SLC22A16: variants seen among roughly 807,000 people sequenced by gnomAD.
SLC22A16 encodes the protein WUGSC:RG331P03.1.
A neutral mutation model predicts 52.9 loss-of-function variants in SLC22A16; 53 were observed. The ratio of observed to expected loss-of-function variants is 1.00; its 90% CI spans 0.80 to 1.26. SLC22A16 has a LOEUF of 1.26. SLC22A16 is among the 50% of genes most tolerant of loss of function. The probability of loss-of-function intolerance (pLI) is 0.00; values close to 1 mark genes in which losing one functional copy is unlikely to be tolerated. For missense variants in SLC22A16, 726 were observed against 704.0 expected (o/e 1.03, Z -0.35); for synonymous variants, 291 against 268.8 (o/e 1.08, Z -0.81).
intron 1 of SLC22A16, chr6:110,475,968 A>G (rs1199608188): frequency 2.2e-6 from 1 of 456,562 alleles, no homozygotes; most frequent in Admixed American, 2.3e-5. Flanking sequence ...GTGAACATCA[A>G]ATGAAGAACT....
chr6:110,424,940 G>A lies in SLC22A16; in HGVS notation c.1667C>T (p.Thr556Ile), dbSNP rs199752499. 16 of 1,614,132 alleles carry A rather than the reference G, an allele frequency of 9.9e-6. No individual in the cohort carries two copies. Among genetic ancestry groups the A allele is most frequent in the Admixed American group, 8.3e-5 (5 of 60,014 alleles). ...TTTTTCCAGCCCACTATTATTAGTT[G>A]TGAGAAGTAATTTGCTTGACTTGCT... ...NESKSSKLLL[T>I]TNNSGLEKTE... The change falls in exon 8 of 8, where the codon ACA (threonine) becomes ATA (isoleucine). Residue 556 changes from threonine to isoleucine, a missense_variant. Coordinates refer to ENST00000368919, the MANE Select transcript of SLC22A16 (RefSeq NM_033125.4).
At chr6:110,426,221 G>C (rs1370248796) in intron 7 of SLC22A16, among the ~76,000 whole-genome samples, 3 of 152,152 alleles carry the variant, frequency 2.0e-5, no homozygotes, top group Non-Finnish European at 4.4e-5. Context: ...GGTCTCTCAA[G>C]ACACGGCAAG....
chr6:110,445,082 C>A (rs969317736), intron 3 of SLC22A16, among the ~76,000 whole-genome samples: 24 of 151,954 alleles, frequency 1.6e-4, no homozygotes, highest in African/African-American at 5.1e-4. Flanking sequence ...CGGAATCCAC[C>A]CCCTCATAGC....
At chr6:110,458,025 G>A (rs191265371) in intron 1 of SLC22A16, among the ~76,000 whole-genome samples, 33 of 152,238 alleles carry the variant, frequency 2.2e-4, no homozygotes, top group African/African-American at 3.4e-4. Context: ...CAGTGGTCAC[G>A]CTCCTGGTCT....
intron 5 of SLC22A16, among the ~76,000 whole-genome samples, chr6:110,436,268 G>A (rs1774726422): frequency 6.6e-6 from 1 of 152,138 alleles, no homozygotes; most frequent in Non-Finnish European, 1.5e-5. Flanking sequence ...TAGTGCTGGT[G>A]GCACCAAGAA....
intron 7 of SLC22A16, among the ~76,000 whole-genome samples, chr6:110,430,543 G>A (rs184465236): frequency 6.6e-6 from 1 of 152,102 alleles, no homozygotes; most frequent in East Asian, 1.9e-4. Context: ...CACCCATCCC[G>A]CATCTTCTTC....
At chr6:110,473,766 C>T (rs1776356893) in intron 1 of SLC22A16, among the ~76,000 whole-genome samples, 1 of 151,718 alleles carries the variant, frequency 6.6e-6, no homozygotes, top group African/African-American at 2.4e-5. Flanking sequence ...ACCTCGTGAT[C>T]TGCCTGCCTC....
At chr6:110,474,986 T>C (rs1562305960) in intron 1 of SLC22A16, 1 of 519,010 alleles carries the variant, frequency 1.9e-6, no homozygotes, top group Non-Finnish European at 3.8e-6. Context: ...CATATACACA[T>C]TTTCACTACT....
rs553570077 is a variant in SLC22A16 at position 110,459,612 on chromosome 6, A to C, written c.54-2595T>G. ...GAACAGGAAGAGGACACTTGGAAAA[A>C]CTGGTGAAATTCAAATGAAGTATAT... On this transcript the variant is annotated intron_variant, in intron 1 of 7. Transcript: ENST00000368919. Among the ~76,000 whole-genome samples, 9 of 152,228 alleles carry C rather than the reference A, an allele frequency of 5.9e-5. 1 individual carries two copies. Among genetic ancestry groups the C allele is most frequent in the African/African-American group, 1.9e-4 (8 of 41,538 alleles).
intron 4 of SLC22A16, among the ~76,000 whole-genome samples, chr6:110,441,979 C>T (rs1402290729): frequency 6.6e-5 from 10 of 152,172 alleles, no homozygotes; most frequent in Non-Finnish European, 2.9e-5. Context: ...ACCTTGATGG[C>T]AATCATGTTG....
intron 1 of SLC22A16, among the ~76,000 whole-genome samples, chr6:110,457,700 A>G (rs1312707553): frequency 6.6e-6 from 1 of 152,206 alleles, no homozygotes; most frequent in Non-Finnish European, 1.5e-5. Flanking sequence ...CTGAAGGGAC[A>G]TGGTGAGAAG....
intron 1 of SLC22A16, 131 bp downstream of exon 1, chr6:110,476,391 C>T (rs1198139276): frequency 7.2e-7 from 1 of 1,381,002 alleles, no homozygotes; most frequent in African/African-American, 1.5e-5. Context: ...CGTGTCCCGA[C>T]TGCGCGGGGT....
rs758813780 is a variant in SLC22A16 at position 110,435,959 on chromosome 6, T to C, written c.1314A>G (p.Lys438=). The C allele has an allele frequency of 6.2e-7, 1 of 1,610,882 alleles. No individual in the cohort carries two copies. Among genetic ancestry groups the C allele is most frequent in the South Asian group, 1.1e-5 (1 of 90,462 alleles). ...CTGTCACCACACCCAAAATATAATGTTTCTGAAAAAAATTTAGCAGAATAG... is the reference window on the plus strand; with the variant it reads ...CTGTCACCACACCCAAAATATAATGCTTCTGAAAAAAATTTAGCAGAATAG... ...ACGVVMVIPQ[K]HYILGVVTAM... is the part of the protein sequence containing the mutation. The change falls in exon 6 of 8, where the codon AAA becomes AAG. Residue 438 remains lysine (K), a splice_region_variant and synonymous_variant. Transcript: ENST00000368919.
In SLC22A16 at chr6:110,459,297, T is replaced by C. The variant is rs139008304; in HGVS notation, c.54-2280A>G. ...TTTACAGTGGGGAAACCTAGAAACT[T>C]GCAAACACTAAAGTCACCAAGTGAT... On this transcript the variant is annotated intron_variant, in intron 1 of 7. Transcript: ENST00000368919. Among the ~76,000 whole-genome samples the C allele has an allele frequency of 7.2e-5, 11 of 152,252 alleles. No individual in the cohort carries two copies. The East Asian group carries it at 1.7e-3, about 24-fold the overall frequency.
At chr6:110,453,486 C>T (rs1775462198) in intron 2 of SLC22A16, 1 of 381,564 alleles carries the variant, frequency 2.6e-6, no homozygotes, top group Non-Finnish European at 5.1e-6. Flanking sequence ...CTGGCAAAAA[C>T]ACAAGATGTT....
At chr6:110,438,572 T>A in intron 5 of SLC22A16, 148 bp downstream of exon 5, 6 of 738,200 alleles carry the variant, frequency 8.1e-6, no homozygotes, top group Non-Finnish European at 1.2e-5. Context: ...AGAAAAAGAA[T>A]GTTTTAAAGA....
chr6:110,464,670 G>A (rs1398891483), intron 1 of SLC22A16, among the ~76,000 whole-genome samples: 1 of 151,802 alleles, frequency 6.6e-6, no homozygotes, highest in Non-Finnish European at 1.5e-5. Flanking sequence ...AACAAAAAAA[G>A]AACCCAGGAC....
intron 6 of SLC22A16, among the ~76,000 whole-genome samples, chr6:110,432,649 G>A (rs1353494416): frequency 6.6e-6 from 1 of 152,160 alleles, no homozygotes; most frequent in Non-Finnish European, 1.5e-5. Context: ...CAGCCACAAC[G>A]GAGCCAAAGC....
At chr6:110,441,823 T>C (rs1433482529) in intron 4 of SLC22A16, among the ~76,000 whole-genome samples, 1 of 152,162 alleles carries the variant, frequency 6.6e-6, no homozygotes, top group East Asian at 1.9e-4. Context: ...CTTCTTTCTG[T>C]TTCCTAATCT....
Sources: allele counts gnomAD v4.1 joint callset (sites outside exome capture counted in the v4.1 genomes callset), GRCh38; gene constraint gnomAD v4.1.1; transcripts MANE v1.5; gene names NCBI Gene and HGNC (gene_info 2026-07-23, HGNC 2026-07-21).